OR2C3: variants seen among roughly 807,000 people sequenced by gnomAD.
The protein encoded by OR2C3 is olfactory receptor 2C3.
For synonymous variants in OR2C3, 178 were observed against 163.4 expected, an observed-to-expected ratio of 1.09 and a Z score of -0.68; for missense variants, 425 against 401.5, an observed-to-expected ratio of 1.06 and a Z score of -0.50.
rs374555586 is a variant in OR2C3, at chr1:247,527,326, C to T, written c.*4223G>A. On this transcript the variant is annotated 3_prime_UTR_variant, in exon 3 of 3. Transcript: ENST00000641802. This position sits in a 1 kb window ranked among gnomAD's most constrained non-coding sequence, Gnocchi z 4.6. The stretch of plus-strand genomic sequence containing the variant: ...ACATAAACTGATGAGGACCTGCACT[C>T]CTGTCCTGAGTTGACACCCAGCCTT... The T allele has an allele frequency of 1.3e-5, 3 of 229,578 alleles. No homozygotes were observed. The highest frequency in any genetic ancestry group is 6.9e-5 in the African/African-American group (3 of 43,624). 14.2% of individuals were successfully genotyped at this position (229,578 alleles called of 1,614,324 possible).
Position 247,530,523 on chromosome 1 carries a change from C to CCCA in OR2C3, c.*1025_*1026insTGG, listed in dbSNP as rs1288343014. ...GTCCACAAACACCATGCCATCCCCC[C>CCCA]CCCACAAAATAACATTTCCTATGAA... On this transcript the variant is annotated 3_prime_UTR_variant, in exon 3 of 3. Transcript: ENST00000641802. 5 of 141,170 alleles carry CCCA rather than the reference C, an allele frequency of 3.5e-5. No individual in the cohort carries two copies. The highest frequency in any genetic ancestry group is 1.3e-4 in the African/African-American group (5 of 39,792). The allele number at this position is 141,170 out of a possible 1,614,324, so 8.7% of individuals were successfully genotyped here.
chr1:247,532,740 G>T, intron 2 of OR2C3, 200 bp from the exon 3 acceptor site: 1 of 553,354 alleles, frequency 1.8e-6, no homozygotes, highest in Non-Finnish European at 3.2e-6. Flanking sequence ...TGAGAATACA[G>T]GCACGTACTA....
chr1:247,531,748 C>A lies in OR2C3; in HGVS notation c.764G>T (p.Ser255Ile). Reference protein sequence around the residue: ...HVAVVSLFYGSIIFMYLQPAK... With the variant: ...HVAVVSLFYGIIIFMYLQPAK... ...TGGCTGGAGATACATGAAGATGATG[C>A]TCCCGTAAAACAGAGACACCACAGC... The change falls in exon 3 of 3, where the codon AGC (serine) becomes ATC (isoleucine). Residue 255 changes from serine (S) to isoleucine (I), a missense_variant. Ser to Ile is a moderately radical substitution (Grantham distance 142, BLOSUM62 -2). Coordinates refer to ENST00000641802, the MANE Select transcript of OR2C3 (RefSeq NM_198074.6). 6.2e-7 allele frequency: 1 copy of A among 1,614,164 alleles called. No homozygotes were observed. Among genetic ancestry groups the A allele is most frequent in the Non-Finnish European group, 8.5e-7 (1 of 1,180,020 alleles).
intron 1 of OR2C3, among the ~76,000 whole-genome samples, chr1:247,535,343 A>G (rs1031083315): frequency 2.0e-5 from 3 of 152,098 alleles, no homozygotes; most frequent in African/African-American, 7.2e-5. Flanking sequence ...CCAATCAGGG[A>G]GGTAGAGTTG....
chr1:247,530,589 C>A lies in OR2C3; in HGVS notation c.*960G>T, dbSNP rs947065411. On this transcript the variant is annotated 3_prime_UTR_variant, in exon 3 of 3. Transcript: ENST00000641802. ...ATTTACAAAATGTGTCATTTTACTA[C>A]CTCTAATTTTAACATGTATCAGGTA... The A allele has an allele frequency of 1.3e-5, 2 of 150,932 alleles. No homozygotes were observed. The allele number at this position is 150,932 out of a possible 1,614,324, so 9.3% of individuals were successfully genotyped here. A position where few individuals can be genotyped will look rare whatever the true frequency, so the allele number is the denominator to read the frequency against.
rs1247142835 is a variant in OR2C3, at chr1:247,531,960, G to T, written c.552C>A (p.Leu184=). 6.2e-7 allele frequency: 1 copy of T among 1,614,044 alleles called. No homozygotes were observed. The highest frequency in any genetic ancestry group is 1.3e-5 in the African/African-American group (1 of 74,924). ...CIDHFFCEMP[L]IMQLACVDTS... ...TATCCACACAAGCCAGTTGCATAAT[G>T]AGGGGCATCTCGCAAAAGAAGTGGT... is the stretch of plus-strand genomic sequence containing the variant. The change falls in exon 3 of 3, where the codon CTC becomes CTA. Residue 184 remains leucine (L), a synonymous_variant. Transcript: ENST00000641802.
intron 1 of OR2C3, among the ~76,000 whole-genome samples, chr1:247,535,069 T>A (rs781494897): frequency 2.0e-5 from 3 of 152,086 alleles, no homozygotes; most frequent in Admixed American, 1.3e-4. Context: ...CCTAGCACTT[T>A]GGGAGGCTGA....
At position 247,524,710 on chromosome 1, in the gene OR2C3, T is replaced by C. The variant is rs192184922; in HGVS notation, c.*6839A>G. On this transcript the variant is annotated 3_prime_UTR_variant, in exon 3 of 3. Transcript: ENST00000641802. ...CATGATTGATAGTTTATTTAATACA[T>C]ATAACATTTAAAACTTTTGTACCAC... is the stretch of plus-strand genomic sequence containing the variant. 7.2e-5 allele frequency: 11 copies of C among 152,190 alleles called. No homozygotes were observed. Among genetic ancestry groups the C allele is most frequent in the Non-Finnish European group, 1.5e-4 (10 of 68,022 alleles). The allele number at this position is 152,190 out of a possible 1,614,324, so 9.4% of individuals were successfully genotyped here.
chr1:247,526,842 T>C lies in OR2C3; in HGVS notation c.*4707A>G. ...ATCGAAAGACAAGTGGTGTCCAATA[T>C]GGCATGTTAGCATTTTCCTCTTCAT... On this transcript the variant is annotated 3_prime_UTR_variant, in exon 3 of 3. Transcript: ENST00000641802. This position sits in a 1 kb window ranked among gnomAD's most constrained non-coding sequence, Gnocchi z 4.8. 2 of 394,552 alleles carry C rather than the reference T, an allele frequency of 5.1e-6. No individual in the cohort carries two copies. The allele number at this position is 394,552 out of a possible 1,614,324, so 24.4% of individuals were successfully genotyped here. A position where few individuals can be genotyped will look rare whatever the true frequency, so the allele number is the denominator to read the frequency against.
In OR2C3 at chr1:247,529,687, C is replaced by A; in HGVS notation, c.*1862G>T. 7.1e-6 allele frequency: 1 copy of A among 141,288 alleles called. No homozygotes were observed. Among genetic ancestry groups the A allele is most frequent in the Non-Finnish European group, 1.5e-5 (1 of 65,834 alleles). The allele number at this position is 141,288 out of a possible 1,614,324, so 8.8% of individuals were successfully genotyped here. On this transcript the variant is annotated 3_prime_UTR_variant, in exon 3 of 3. Transcript: ENST00000641802. ...TGGACTATGGTGCCCAGTTTTTGTT[C>A]AAACACAAGCCTCGGTGTTACTGTG...
chr1:247,531,816 T>A lies in OR2C3; in HGVS notation c.696A>T (p.Ala232=). Residue 232 remains alanine, a synonymous_variant, in exon 3 of 3, where the codon GCA becomes GCT. Transcript: ENST00000641802. ...TGTTGAATGCCTTTCTCCGCCCTTC[T>A]GCTGACCTGATCTTCAACACGGCCC... The part of the protein sequence containing the change: ...IARAVLKIRS[A]EGRRKAFNTC... 6.2e-7 allele frequency: 1 copy of A among 1,614,146 alleles called. No homozygotes were observed. The highest frequency in any genetic ancestry group is 8.5e-7 in the Non-Finnish European group (1 of 1,179,994).
At chr1:247,533,960 G>A (rs1395482829) in intron 1 of OR2C3, 82 bp from the exon 2 acceptor site, 1 of 152,094 alleles carries the variant, frequency 6.6e-6, no homozygotes, top group African/African-American at 2.4e-5. Flanking sequence ...CTTGGTACAA[G>A]GCTTGCAGCT....
At chr1:247,534,884 C>T (rs966811497) in intron 1 of OR2C3, among the ~76,000 whole-genome samples, 12 of 152,162 alleles carry the variant, frequency 7.9e-5, no homozygotes, top group African/African-American at 1.7e-4. Flanking sequence ...AAAATTCACA[C>T]GTGGAAGCTG....
chr1:247,529,578 A>T lies in OR2C3; in HGVS notation c.*1971T>A, dbSNP rs977831057. On this transcript the variant is annotated 3_prime_UTR_variant, in exon 3 of 3. Transcript: ENST00000641802. ...CATGAGAGTGTCTCGTACATGATGC[A>T]TAATAATCCAGTTGAAGAATGTTGC... is the stretch of plus-strand genomic sequence containing the variant. 1 of 152,246 alleles carries T rather than the reference A, an allele frequency of 6.6e-6. No individual in the cohort carries two copies. Among genetic ancestry groups the T allele is most frequent in the East Asian group, 1.9e-4 (1 of 5,198 alleles). 9.4% of individuals were successfully genotyped at this position (152,246 alleles called of 1,614,324 possible).
chr1:247,532,663 T>C, intron 2 of OR2C3, 123 bp from the exon 3 acceptor site: 1 of 746,208 alleles, frequency 1.3e-6, no homozygotes. Flanking sequence ...AATTTCACTG[T>C]GTTGCCCGGG....
Position 247,531,835 on chromosome 1 carries a change from A to T in OR2C3, c.677T>A (p.Val226Glu). 1 of 1,614,128 alleles carries T rather than the reference A, an allele frequency of 6.2e-7. No homozygotes were observed. Among genetic ancestry groups the T allele is most frequent in the Non-Finnish European group, 8.5e-7 (1 of 1,180,010 alleles). The change falls in exon 3 of 3, where the codon GTG becomes GAG. Residue 226 changes from valine (V) to glutamate (E), a missense_variant. By Grantham distance (121) the Val-to-Glu change is moderately radical. Transcript: ENST00000641802. ...LVSYGHIARA[V>E]LKIRSAEGRR... ...CCCTTCTGCTGACCTGATCTTCAAC[A>T]CGGCCCGGGCAATGTGGCCGTAAGA...
At position 247,525,414 on chromosome 1, in the gene OR2C3, A is replaced by AG. The variant is rs397983666; in HGVS notation, c.*6134_*6135insC. The AG allele has an allele frequency of 4.0e-5, 6 of 151,218 alleles. No homozygotes were observed. The highest frequency in any genetic ancestry group is 1.5e-4 in the African/African-American group (6 of 41,326). 9.4% of individuals were successfully genotyped at this position (151,218 alleles called of 1,614,324 possible). A position where few individuals can be genotyped will look rare whatever the true frequency, so the allele number is the denominator to read the frequency against. ...TTTTACCTGTGTGTCTGACCAGTCA[A>AG]TCAGCTGTAAGTCTGGGTTACCACA... On this transcript the variant is annotated 3_prime_UTR_variant, in exon 3 of 3. Coordinates refer to ENST00000641802, the MANE Select transcript of OR2C3 (RefSeq NM_198074.6).
chr1:247,532,370 G>C lies in OR2C3; in HGVS notation c.142C>G (p.Leu48Val). 6.2e-7 allele frequency: 1 copy of C among 1,614,142 alleles called. No homozygotes were observed. The highest frequency in any genetic ancestry group is 1.1e-5 in the South Asian group (1 of 91,080). Residue 48 changes from leucine (L) to valine (V), a missense_variant, in exon 3 of 3, where the codon CTG becomes GTG. Coordinates refer to ENST00000641802, the MANE Select transcript of OR2C3 (RefSeq NM_198074.6). ...AGGTGCACATCTGTATGGGAGACCA[G>C]AATGATGATGCCATTGCCCAAGATC... The part of the protein sequence containing the change: ...VSILGNGIII[L>V]VSHTDVHLHT...
intron 2 of OR2C3, chr1:247,532,756 T>C (rs1426262711): frequency 2.7e-5 from 14 of 512,504 alleles, no homozygotes; most frequent in Non-Finnish European, 4.9e-5. Flanking sequence ...TACTACCATG[T>C]CTGGCTAAAA....
Sources: allele counts gnomAD v4.1 joint callset (sites outside exome capture counted in the v4.1 genomes callset), GRCh38; gene constraint gnomAD v4.1.1; non-coding constraint Gnocchi (gnomAD v3.1); transcripts MANE v1.5; gene names NCBI Gene and HGNC (gene_info 2026-07-23, HGNC 2026-07-21).